CUL4B: variants seen among roughly 807,000 people sequenced by gnomAD.
CUL4B encodes the protein cullin 4B.
Under a neutral mutation model 69.2 loss-of-function variants are expected in CUL4B, and 1 was observed. The ratio of observed to expected loss-of-function variants is 0.01; its 90% CI spans 0.01 to 0.07. The LOEUF is 0.07. Ranked by LOEUF, CUL4B falls within the 10% of genes least tolerant of loss-of-function variation. CUL4B has a pLI of 1.00. For missense variants in CUL4B, 328 were observed against 638.8 expected, an observed-to-expected ratio of 0.51 and a Z score of 5.24; for synonymous variants, 237 against 223.2, an observed-to-expected ratio of 1.06 and a Z score of -0.55.
rs745527214 is a variant in CUL4B, at chrX:120,574,524, T to C, written c.67+27A>G. 77 of 1,158,690 alleles carry C rather than the reference T, an allele frequency of 6.6e-5. 1 individual carries two copies. The Middle Eastern group carries it at 1.6e-3, about 25-fold the overall frequency. Reference sequence around the variant, plus strand: ...GTTAACAATTATTTAGACTTAACTCTTGAGTTTTACTAGTTCATTTACTCA... The same window carrying C: ...GTTAACAATTATTTAGACTTAACTCCTGAGTTTTACTAGTTCATTTACTCA... On this transcript the variant is annotated intron_variant, in intron 2 of 2. Transcript: ENST00000486604.
intron 1 of CUL4B, among the ~76,000 whole-genome samples, chrX:120,558,800 T>C (rs1206371999): frequency 1.8e-5 from 2 of 111,895 alleles, no homozygotes; most frequent in African/African-American, 3.2e-5. Flanking sequence ...CTTAATAATA[T>C]GCTTTTATTT....
chrX:120,551,548 A>G (rs1924688490), intron 2 of CUL4B, among the ~76,000 whole-genome samples: 1 of 110,894 alleles, frequency 9.0e-6, no homozygotes, highest in Admixed American at 9.7e-5. Flanking sequence ...TACTTTTCTC[A>G]CCTTTAGGCA....
Position 120,538,649 on chromosome X carries a change from G to A in CUL4B, c.1852+11C>T, listed in dbSNP as rs767122119. On this transcript the variant is annotated intron_variant, in intron 13 of 19. Transcript: ENST00000371322. ...ATCAAAGAAAAGGAACAGAAAGAAT[G>A]AGAAACCTACCATGTTTAAGTTTGG... The A allele has an allele frequency of 1.8e-6, 2 of 1,087,264 alleles. No individual in the cohort carries two copies. The highest frequency in any genetic ancestry group is 2.6e-6 in the Non-Finnish European group (2 of 783,058). 89.6% of individuals were successfully genotyped at this position (1,087,264 alleles called of 1,213,427 possible).
In CUL4B at chrX:120,526,736, C is replaced by T. The variant is rs1922989858; in HGVS notation, c.*25G>A. ...TTTATCCACTGGCTACTGCATATGA[C>T]ACCAAATGCTGCAAGGCCAACATTC... On this transcript the variant is annotated 3_prime_UTR_variant, in exon 20 of 20. Coordinates refer to ENST00000371322, the MANE Select transcript of CUL4B (RefSeq NM_001079872.2). The T allele has an allele frequency of 1.2e-5, 12 of 1,031,983 alleles. No homozygotes were observed. Among genetic ancestry groups the T allele is most frequent in the Non-Finnish European group, 1.6e-5 (12 of 737,204 alleles). The allele number at this position is 1,031,983 out of a possible 1,213,427, so 85.0% of individuals were successfully genotyped here.
In CUL4B at chrX:120,560,252, T is replaced by A. The variant is rs1465943261; in HGVS notation, c.387A>T (p.Pro129=). The A allele has an allele frequency of 2.5e-6, 3 of 1,211,806 alleles. No homozygotes were observed. The highest frequency in any genetic ancestry group is 3.5e-5 in the South Asian group (2 of 57,007). Residue 129 remains proline, a synonymous_variant, in exon 1 of 20, where the codon CCA becomes CCT. Coordinates refer to ENST00000371322, the MANE Select transcript of CUL4B (RefSeq NM_001079872.2). ...ESSSSSSSSS[P]TAATSQQQQL... ...GCTGCTGCTGAGATGTTGCAGCAGT[T>A]GGTGAAGATGAGGAGGAGGAGGAGG...
chrX:120,532,500 A>G lies in CUL4B; in HGVS notation c.2361T>C (p.Gly787=), dbSNP rs1569386978. 1 of 1,204,299 alleles carries G rather than the reference A, an allele frequency of 8.3e-7. No homozygotes were observed. Among genetic ancestry groups the G allele is most frequent in the Non-Finnish European group, 1.1e-6 (1 of 888,911 alleles). Residue 787 remains glycine (G), a synonymous_variant, in exon 18 of 20, where the codon GGT becomes GGC. Transcript: ENST00000371322. The part of the protein sequence containing the change: ...KNPKGKDIED[G]DKFICNDDFK... ...AATCATCATTACAAATGAACTTGTC[A>G]CCATCTTCAATGTCTTTGCCCTTTG...
chrX:120,571,717 C>T (rs1424326885), exon 3 of CUL4B: 1 of 111,005 alleles, frequency 9.0e-6, no homozygotes, highest in African/African-American at 3.3e-5. Context: ...GGGGTTTAAA[C>T]TGTGATGGTC....
At chrX:120,562,255 C>T (rs1298669177), upstream of CUL4B, among the ~76,000 whole-genome samples, 1 of 112,346 alleles carries the variant, frequency 8.9e-6, no homozygotes, top group African/African-American at 3.2e-5. Flanking sequence ...GTGTTTTCTA[C>T]TAATGTGTTT....
At chrX:120,543,685 A>G in intron 8 of CUL4B, 42 bp downstream of exon 8, 1 of 967,475 alleles carries the variant, frequency 1.0e-6, no homozygotes, top group East Asian at 3.1e-5. Flanking sequence ...CAAGTGATTT[A>G]ACGACAGTTT....
chrX:120,560,571 G>T lies in CUL4B; in HGVS notation c.68C>A (p.Ala23Asp), dbSNP rs780240866. The change falls in exon 1 of 20, where the codon GCC becomes GAC. Residue 23 changes from alanine (A) to aspartate (D), a missense_variant. Ala to Asp is a moderately radical substitution (Grantham distance 126). This residue lies in a region of CUL4B where 102 missense variants were observed against 122.1 expected (regional missense o/e 0.84). Transcript: ENST00000371322. ...AGTGGTGCTGGTATTACCATCAGTG[G>T]CAGATCTGACCTCCTGAGCAGCAGC... ...AAAAAQEVRS[A>D]TDGNTSTTPP... is the part of the protein sequence containing the mutation. The T allele has an allele frequency of 3.3e-6, 4 of 1,206,866 alleles. No homozygotes were observed. In the Admixed American group the frequency reaches 6.6e-5, roughly 20 times the overall value.
intron 1 of CUL4B, among the ~76,000 whole-genome samples, chrX:120,574,826 C>T (rs1925822506): frequency 8.9e-6 from 1 of 112,054 alleles, no homozygotes; most frequent in Non-Finnish European, 1.9e-5. Context: ...TATTCTTTTA[C>T]TCGTTTTTTT....
chrX:120,574,493 C>T lies in CUL4B; in HGVS notation c.67+58G>A, dbSNP rs752732655. On this transcript the variant is annotated intron_variant, in intron 2 of 2. Transcript: ENST00000486604. ...GATTACAGGCGTGAGCCACCGCGCCCGGCCTGTTAACAATTATTTAGACTT... is the reference window on the plus strand; with the variant it reads ...GATTACAGGCGTGAGCCACCGCGCCTGGCCTGTTAACAATTATTTAGACTT... 1.2e-4 allele frequency: 122 copies of T among 1,029,929 alleles called. No individual in the cohort carries two copies. In the Admixed American group the frequency reaches 1.6e-3, roughly 13 times the overall value. 84.9% of individuals were successfully genotyped at this position (1,029,929 alleles called of 1,213,427 possible). A position where few individuals can be genotyped will look rare whatever the true frequency, so the allele number is the denominator to read the frequency against.
At chrX:120,561,248 G>A (rs1266080390), upstream of CUL4B, 3 of 508,465 alleles carry the variant, frequency 5.9e-6, no homozygotes, top group African/African-American at 4.7e-5. Context: ...GCGCTAGTTC[G>A]CTCCTGCTCC....
chrX:120,561,199 G>A, upstream of CUL4B: 1 of 644,976 alleles, frequency 1.6e-6, no homozygotes, highest in Non-Finnish European at 2.3e-6. Context: ...CGCGTGAGGG[G>A]GCGGCTGGAA....
intron 19 of CUL4B, among the ~76,000 whole-genome samples, chrX:120,528,979 A>G (rs904826341): frequency 1.8e-5 from 2 of 112,055 alleles, no homozygotes; most frequent in Non-Finnish European, 3.8e-5. Flanking sequence ...GATAAGTAAA[A>G]TGACCACTTG....
chrX:120,565,054 A>G (rs190330514), upstream of CUL4B, among the ~76,000 whole-genome samples: 41 of 112,541 alleles, frequency 3.6e-4, no homozygotes, highest in Admixed American at 3.7e-3. Flanking sequence ...TACAATGTCA[A>G]TTCCTTTATT....
At chrX:120,539,928 G>C (rs1283719997) in intron 11 of CUL4B, among the ~76,000 whole-genome samples, 1 of 111,625 alleles carries the variant, frequency 9.0e-6, no homozygotes. Flanking sequence ...AAGGGTACTT[G>C]GGTGGAAAAA....
At chrX:120,557,441 G>A (rs1199915656) in intron 2 of CUL4B, among the ~76,000 whole-genome samples, 9 of 111,579 alleles carry the variant, frequency 8.1e-5, no homozygotes, top group South Asian at 3.8e-4. Flanking sequence ...GCTAAGGTGC[G>A]TCTTGTAGCC....
chrX:120,532,020 T>C (rs772028144), intron 18 of CUL4B, among the ~76,000 whole-genome samples: 3 of 111,722 alleles, frequency 2.7e-5, no homozygotes, highest in Admixed American at 9.6e-5. Context: ...GATTAAAATT[T>C]AGTTTCAAAG....
Sources: gnomAD v4.1 joint callset for allele counts (sites outside exome capture counted in the v4.1 genomes callset) on GRCh38, gnomAD v4.1.1 for gene constraint, gnomAD v4.1.1 regional missense constraint, MANE v1.5 for transcripts, NCBI Gene and HGNC (gene_info 2026-07-23, HGNC 2026-07-21) for gene names.